LDLRAD4: variants seen among roughly 807,000 people sequenced by gnomAD.
LDLRAD4 encodes the protein low-density lipoprotein receptor class A domain-containing protein 4.
In LDLRAD4, 5 loss-of-function variants were observed where a neutral mutation model predicts 17.0. The ratio of observed to expected loss-of-function variants is 0.29; its 90% CI spans 0.15 to 0.62. The LOEUF (loss-of-function observed/expected upper bound fraction) is 0.62, where lower values mean the gene tolerates loss of function less well. LDLRAD4 is among the 20% of genes least tolerant of loss of function. The probability of loss-of-function intolerance (pLI) is 0.84; values close to 1 mark genes in which losing one functional copy is unlikely to be tolerated. For missense variants in LDLRAD4, 340 were observed against 424.7 expected, an observed-to-expected ratio of 0.80 and a Z score of 1.75; for synonymous variants, 168 against 171.8, an observed-to-expected ratio of 0.98 and a Z score of 0.17.
chr18:13,517,586 A>G (rs1405910096), intron 3 of LDLRAD4, among the ~76,000 whole-genome samples: 1 of 152,198 alleles, frequency 6.6e-6, no homozygotes, highest in East Asian at 1.9e-4. Context: ...CTTCCACACA[A>G]GCAGTGTGGT....
intron 3 of LDLRAD4, chr18:13,612,820 T>G: frequency 6.2e-7 from 1 of 1,610,770 alleles, no homozygotes; most frequent in South Asian, 1.1e-5. Flanking sequence ...CTCTTTCGGG[T>G]TTGCTGTGGT....
chr18:13,597,302 T>C (rs1321270400), intron 3 of LDLRAD4, among the ~76,000 whole-genome samples: 2 of 152,206 alleles, frequency 1.3e-5, no homozygotes, highest in East Asian at 3.8e-4. Flanking sequence ...TTAATAGGGT[T>C]ATCTTATAAA....
intron 3 of LDLRAD4, among the ~76,000 whole-genome samples, chr18:13,548,664 T>G (rs1297449880): frequency 1.3e-5 from 2 of 152,020 alleles, no homozygotes; most frequent in African/African-American, 4.8e-5. Context: ...CCTCCAAGAG[T>G]CCAGGGGTGC....
intron 3 of LDLRAD4, among the ~76,000 whole-genome samples, chr18:13,513,331 T>C (rs887953405): frequency 2.6e-5 from 4 of 152,208 alleles, no homozygotes; most frequent in African/African-American, 9.7e-5. Flanking sequence ...CAGAACACAT[T>C]TAGAGATCAG....
intron 4 of LDLRAD4, among the ~76,000 whole-genome samples, chr18:13,626,956 G>A (rs896929290): frequency 1.3e-5 from 2 of 152,236 alleles, no homozygotes; most frequent in Non-Finnish European, 2.9e-5. Context: ...CAGGGTGTTC[G>A]AACCTAAGTT....
chr18:13,533,991 A>G (rs972408267), intron 3 of LDLRAD4, among the ~76,000 whole-genome samples: 1 of 152,116 alleles, frequency 6.6e-6, no homozygotes, highest in Non-Finnish European at 1.5e-5. Flanking sequence ...CTTCCCATTA[A>G]GCCCCCAGGA....
chr18:13,477,829 C>T (rs2092982750), intron 3 of LDLRAD4, among the ~76,000 whole-genome samples: 1 of 152,160 alleles, frequency 6.6e-6, no homozygotes. Context: ...TCAAGGGCAT[C>T]CCTCAAGTCG....
chr18:13,424,077 A>G (rs1465934619), intron 2 of LDLRAD4, among the ~76,000 whole-genome samples: 7 of 151,752 alleles, frequency 4.6e-5, no homozygotes, highest in Non-Finnish European at 7.4e-5. Context: ...AGAGGTTGCA[A>G]TGAGCCAAGA....
chr18:13,350,485 TTTTCTTGTACA>T (rs2082975856), intron 1 of LDLRAD4, among the ~76,000 whole-genome samples: 1 of 152,168 alleles, frequency 6.6e-6, no homozygotes, highest in African/African-American at 2.4e-5. Context: ...GTATTTGTGT[TTTTCTTGTACA>T]TTTCTTGTAC....
At chr18:13,434,535 A>G (rs2090536143) in intron 2 of LDLRAD4, among the ~76,000 whole-genome samples, 1 of 152,172 alleles carries the variant, frequency 6.6e-6, no homozygotes, top group Non-Finnish European at 1.5e-5. Context: ...GAAATACTCA[A>G]CAAGTTCCAC....
chr18:13,476,393 G>A (rs1739738947), intron 3 of LDLRAD4, among the ~76,000 whole-genome samples: 1 of 152,120 alleles, frequency 6.6e-6, no homozygotes, highest in African/African-American at 2.4e-5. Context: ...GGGAGGCTGA[G>A]GCAGGAGGAT....
At chr18:13,514,808 C>T (rs1187735263) in intron 3 of LDLRAD4, 3 of 152,246 alleles carry the variant, frequency 2.0e-5, no homozygotes, top group Non-Finnish European at 4.4e-5. Context: ...GCTGCCCAGC[C>T]TCTGCAAACA....
chr18:13,286,843 T>C (rs1436460475), intron 1 of LDLRAD4, among the ~76,000 whole-genome samples: 5 of 151,968 alleles, frequency 3.3e-5, no homozygotes, highest in Admixed American at 1.3e-4. Context: ...AGAAGAGGCC[T>C]GGGGTGGAGG....
At chr18:13,461,385 A>C (rs2092422204) in intron 3 of LDLRAD4, 1 of 152,272 alleles carries the variant, frequency 6.6e-6, no homozygotes, top group Non-Finnish European at 1.5e-5. Flanking sequence ...CTGACTGAGG[A>C]AAATGGATTC....
Position 13,621,310 on chromosome 18 carries a change from C to A in LDLRAD4, c.336+39C>A. 2 of 1,526,010 alleles carry A rather than the reference C, an allele frequency of 1.3e-6. No individual in the cohort carries two copies. Among genetic ancestry groups the A allele is most frequent in the Non-Finnish European group, 1.8e-6 (2 of 1,107,770 alleles). The allele number at this position is 1,526,010 out of a possible 1,614,324, so 94.5% of individuals were successfully genotyped here. A position where few individuals can be genotyped will look rare whatever the true frequency, so the allele number is the denominator to read the frequency against. ...CCGCCCCGGCTCCAGAGTCAGGCAGCTGCAAGAGGCTTAGGAGCCCATCAG... is the reference window on the plus strand; with the variant it reads ...CCGCCCCGGCTCCAGAGTCAGGCAGATGCAAGAGGCTTAGGAGCCCATCAG... On this transcript the variant is annotated intron_variant, in intron 4 of 5. Coordinates refer to ENST00000359446, the Ensembl canonical transcript of LDLRAD4. This position sits in a 1 kb window ranked among gnomAD's most constrained non-coding sequence, Gnocchi z 5.5.
intron 1 of LDLRAD4, among the ~76,000 whole-genome samples, chr18:13,286,090 T>A (rs1001531194): frequency 3.9e-5 from 6 of 152,230 alleles, no homozygotes; most frequent in Non-Finnish European, 5.9e-5. Flanking sequence ...ACATTAACTC[T>A]GCATTCCCTC....
At chr18:13,325,629 G>T (rs2007459) in intron 1 of LDLRAD4, among the ~76,000 whole-genome samples, 4 of 152,186 alleles carry the variant, frequency 2.6e-5, no homozygotes, top group African/African-American at 7.2e-5. Flanking sequence ...AACGCTGAAG[G>T]CCCTTTCCAG....
chr18:13,573,207 C>T (rs192683009), intron 3 of LDLRAD4, among the ~76,000 whole-genome samples: 2 of 152,190 alleles, frequency 1.3e-5, no homozygotes, highest in Admixed American at 6.5e-5. Flanking sequence ...CGGGTTGAAG[C>T]GATTCTTTTG....
chr18:13,408,139 C>T (rs1392555409), intron 2 of LDLRAD4, among the ~76,000 whole-genome samples: 1 of 151,956 alleles, frequency 6.6e-6, no homozygotes, highest in Non-Finnish European at 1.5e-5. Context: ...TTTGGGAGGC[C>T]GAGATGAGAG....
Sources: gnomAD v4.1 joint callset for allele counts (sites outside exome capture counted in the v4.1 genomes callset) on GRCh38, gnomAD v4.1.1 for gene constraint, Gnocchi (gnomAD v3.1) non-coding constraint, MANE v1.5 for transcripts, NCBI Gene and HGNC (gene_info 2026-07-23, HGNC 2026-07-21) for gene names.